PCDH11Y: variants seen among roughly 807,000 people sequenced by gnomAD.
The protein encoded by PCDH11Y is protocadherin 11 Y-linked.
For synonymous variants in PCDH11Y, 9 were observed against 83.6 expected, an observed-to-expected ratio of 0.11 and a Z score of 4.87; for missense variants, 12 against 224.8, an observed-to-expected ratio of 0.05 and a Z score of 6.05.
At chrY:5,137,984 A>G (rs2052842934) in intron 2 of PCDH11Y, among the ~76,000 whole-genome samples, 2 of 32,427 alleles carry the variant, frequency 6.2e-5, no homozygotes, top group African/African-American at 2.4e-4. Context: ...TTTTTTCAGC[A>G]CATGGAATAT....
rs1602920850 is a variant in PCDH11Y at position 5,407,777 on chromosome Y, T to C, written c.3130-93280T>C. 2.3e-4 allele frequency among the ~76,000 whole-genome samples: 7 copies of C among 30,814 alleles called. No homozygotes were observed. In the East Asian group the frequency reaches 3.4e-3, roughly 15 times the overall value. 82.7% of individuals were successfully genotyped at this position (30,814 alleles called of 37,273 possible). On this transcript the variant is annotated intron_variant, in intron 2 of 4. Transcript: ENST00000400457. ...AAAAAATACAAAAAATTAGCTGGCG[T>C]GGTGGCGGGCGCCTGTAGTCCCAGC...
At chrY:5,326,872 C>G in intron 2 of PCDH11Y, among the ~76,000 whole-genome samples, 1 of 33,027 alleles carries the variant, frequency 3.0e-5, no homozygotes, top group African/African-American at 1.2e-4. Context: ...CAGCGGCAGC[C>G]TCTGTACGCA....
chrY:5,367,226 CCATT>C, intron 2 of PCDH11Y, among the ~76,000 whole-genome samples: 1 of 32,289 alleles, frequency 3.1e-5, no homozygotes, highest in South Asian at 6.8e-4. Flanking sequence ...ACACATACAG[CCATT>C]CAAAGTATTT....
chrY:5,528,214 G>A, intron 3 of PCDH11Y, among the ~76,000 whole-genome samples: 2 of 32,815 alleles, frequency 6.1e-5, no homozygotes, highest in Non-Finnish European at 1.5e-4. Context: ...TTCTTTGCAA[G>A]CATGGGGATT....
downstream of PCDH11Y, among the ~76,000 whole-genome samples, chrY:5,104,010 C>A: frequency 3.1e-5 from 1 of 31,917 alleles, no homozygotes; most frequent in African/African-American, 1.2e-4. Flanking sequence ...TTCCAAAAAA[C>A]AAACAAACAA....
intron 1 of PCDH11Y, among the ~76,000 whole-genome samples, chrY:5,003,727 C>A: frequency 3.0e-5 from 1 of 33,744 alleles, no homozygotes; most frequent in South Asian, 6.5e-4. Context: ...TTTGAGCTTG[C>A]TCTTATAGTC....
intron 3 of PCDH11Y, among the ~76,000 whole-genome samples, chrY:5,578,509 G>C: frequency 3.0e-5 from 1 of 32,990 alleles, no homozygotes; most frequent in Non-Finnish European, 7.5e-5. Context: ...AGGTGGCATA[G>C]GCCTGTAGTC....
At chrY:5,253,533 G>A in intron 2 of PCDH11Y, among the ~76,000 whole-genome samples, 1 of 31,082 alleles carries the variant, frequency 3.2e-5, no homozygotes, top group South Asian at 7.7e-4. Context: ...CCCATCATGA[G>A]CAATGTACAC....
chrY:5,109,231 G>A (rs2052800628), downstream of PCDH11Y, among the ~76,000 whole-genome samples: 1 of 32,926 alleles, frequency 3.0e-5, no homozygotes, highest in African/African-American at 1.2e-4. Flanking sequence ...CATCGTGCGT[G>A]TTCATACATG....
chrY:5,727,600 T>C, intron 4 of PCDH11Y, among the ~76,000 whole-genome samples: 2 of 32,363 alleles, frequency 6.2e-5, no homozygotes, highest in African/African-American at 2.4e-4. Context: ...TTTGATAACT[T>C]TGTATTAAAA....
rs1602956666 is a variant in PCDH11Y at position 5,655,157 on chromosome Y, G to A, written c.3352+73359G>A. 3.4e-4 allele frequency among the ~76,000 whole-genome samples: 10 copies of A among 29,104 alleles called. No homozygotes were observed. In the East Asian group the frequency reaches 6.9e-3, roughly 20 times the overall value. The allele number at this position is 29,104 out of a possible 37,273, so 78.1% of individuals were successfully genotyped here. ...CTTGGTGAATAAAATACATTTCAGAGTTCATCCTTTCAACTTGATATTTGG... is the reference window on the plus strand; with the variant it reads ...CTTGGTGAATAAAATACATTTCAGAATTCATCCTTTCAACTTGATATTTGG... On this transcript the variant is annotated intron_variant, in intron 4 of 4. Coordinates refer to the PCDH11Y transcript ENST00000400457.
intron 4 of PCDH11Y, among the ~76,000 whole-genome samples, chrY:5,703,931 C>T: frequency 3.4e-5 from 1 of 29,169 alleles, no homozygotes; most frequent in Non-Finnish European, 8.1e-5. Flanking sequence ...TCACCACAAT[C>T]TCTGCCTCGG....
intron 2 of PCDH11Y, among the ~76,000 whole-genome samples, chrY:5,150,232 T>C: frequency 3.1e-5 from 1 of 32,771 alleles, no homozygotes; most frequent in Non-Finnish European, 7.5e-5. Context: ...CATAGTAACG[T>C]TGCAATACAT....
At chrY:5,259,399 T>G in intron 2 of PCDH11Y, among the ~76,000 whole-genome samples, 2 of 31,785 alleles carry the variant, frequency 6.3e-5, no homozygotes, top group Non-Finnish European at 1.5e-4. Flanking sequence ...CTGTCTTACT[T>G]TTACTGAAGG....
intron 2 of PCDH11Y, among the ~76,000 whole-genome samples, chrY:5,499,398 C>G (rs2124687792): frequency 6.0e-5 from 2 of 33,070 alleles, no homozygotes; most frequent in African/African-American, 2.3e-4. Context: ...TGTTCAGAAA[C>G]ATATTCCATA....
intron 2 of PCDH11Y, among the ~76,000 whole-genome samples, chrY:5,198,766 A>G: frequency 3.1e-5 from 1 of 32,153 alleles, no homozygotes; most frequent in Non-Finnish European, 7.6e-5. Context: ...ATATTTATAT[A>G]TTAATTATCT....
At chrY:5,197,297 G>A (rs1602884304) in intron 2 of PCDH11Y, among the ~76,000 whole-genome samples, 1 of 32,052 alleles carries the variant, frequency 3.1e-5, no homozygotes, top group Non-Finnish European at 7.6e-5. Flanking sequence ...GTAGATATGC[G>A]GCGTTATTTC....
intron 2 of PCDH11Y, among the ~76,000 whole-genome samples, chrY:5,233,610 C>A (rs2052970721): frequency 3.0e-5 from 1 of 33,504 alleles, no homozygotes; most frequent in African/African-American, 1.2e-4. Flanking sequence ...ATTGCAATAG[C>A]TGTGTTTTTA....
At chrY:5,101,831 G>C, downstream of PCDH11Y, among the ~76,000 whole-genome samples, 1 of 32,957 alleles carries the variant, frequency 3.0e-5, no homozygotes. Context: ...TAGTAGCAAT[G>C]TGAAAATCAA....
Sources: gnomAD v4.1 joint callset for allele counts (sites outside exome capture counted in the v4.1 genomes callset) on GRCh38, gnomAD v4.1.1 for gene constraint, MANE v1.5 for transcripts, NCBI Gene and HGNC (gene_info 2026-07-23, HGNC 2026-07-21) for gene names.